Variants in CFH observed in about 807,000 individuals in gnomAD.
The protein encoded by CFH is H factor 1 (complement).
A neutral mutation model predicts 147.3 loss-of-function variants in CFH; 53 were observed. The observed-to-expected ratio is 0.36, with a 90% CI of 0.29 to 0.45. The LOEUF (loss-of-function observed/expected upper bound fraction) is 0.45, where lower values mean the gene tolerates loss of function less well. CFH is among the 20% of genes least tolerant of loss of function. CFH has a pLI of 1.00. For synonymous variants in CFH, 536 were observed against 489.4 expected (o/e 1.10, Z -1.26); for missense variants, 1,380 against 1,498.0 (o/e 0.92, Z 1.30).
intron 15 of CFH, among the ~76,000 whole-genome samples, chr1:196,736,421 A>G (rs1669402220): frequency 6.6e-6 from 1 of 152,098 alleles, no homozygotes; most frequent in African/African-American, 2.4e-5. Flanking sequence ...TTTTAATCCA[A>G]TCCTGATACA....
At chr1:196,664,003 C>T (rs960655898) in intron 1 of CFH, among the ~76,000 whole-genome samples, 5 of 152,102 alleles carry the variant, frequency 3.3e-5, no homozygotes, top group East Asian at 1.9e-4. Context: ...TTTACTGTCT[C>T]GTCAGCTTTC....
chr1:196,746,116 A>T, intron 21 of CFH, 117 bp downstream of exon 21: 1 of 1,565,902 alleles, frequency 6.4e-7, no homozygotes, highest in Non-Finnish European at 8.8e-7. Context: ...ATGCTTGCCT[A>T]CCAAATATTT....
At chr1:196,686,928 C>T (rs1426587373) in intron 7 of CFH, among the ~76,000 whole-genome samples, 2 of 152,056 alleles carry the variant, frequency 1.3e-5, no homozygotes, top group Admixed American at 1.3e-4. Flanking sequence ...CTCAGGCCTG[C>T]TTCATTACTC....
intron 15 of CFH, among the ~76,000 whole-genome samples, chr1:196,734,382 G>A (rs969036906): frequency 1.8e-4 from 28 of 152,002 alleles, no homozygotes; most frequent in African/African-American, 6.8e-4. Flanking sequence ...ATCACTCCCT[G>A]CCTAGCTCTT....
intron 20 of CFH, among the ~76,000 whole-genome samples, chr1:196,743,841 C>T (rs190911226): frequency 6.6e-6 from 1 of 151,982 alleles, no homozygotes; most frequent in African/African-American, 2.4e-5. Flanking sequence ...AGAGTTGGAA[C>T]CTGAAAAACA....
intron 1 of CFH, among the ~76,000 whole-genome samples, chr1:196,654,502 C>A (rs1027798576): frequency 2.6e-5 from 4 of 152,032 alleles, no homozygotes; most frequent in African/African-American, 9.7e-5. Flanking sequence ...ATTTACAGGA[C>A]AAAGTTTAAA....
At position 196,694,237 on chromosome 1, in the gene CFH, T is replaced by C. The variant is rs138760862; in HGVS notation, c.1336+3998T>C. ...GTTCTCATTGATCAACTCTCACTTA[T>C]GAGTGAGAATATGTGGTGTTTTGTT... is the stretch of plus-strand genomic sequence containing the variant. On this transcript the variant is annotated intron_variant, in intron 9 of 21. Coordinates refer to ENST00000367429, the MANE Select transcript of CFH (RefSeq NM_000186.4). Among the ~76,000 whole-genome samples, 999 of 152,178 alleles carry C rather than the reference T, an allele frequency of 6.6e-3. 9 individuals carry two copies. Among genetic ancestry groups the C allele is most frequent in the African/African-American group, 0.023 (936 of 41,492 alleles).
chr1:196,712,491 T>C (rs1668744839), intron 9 of CFH, among the ~76,000 whole-genome samples: 1 of 151,870 alleles, frequency 6.6e-6, no homozygotes, highest in Non-Finnish European at 1.5e-5. Context: ...TTATTATCAT[T>C]CAATTCAAAA....
At chr1:196,692,318 T>G in intron 9 of CFH, 4 of 548,760 alleles carry the variant, frequency 7.3e-6, no homozygotes, top group Non-Finnish European at 9.3e-6. Context: ...ATCAGTCTCT[T>G]TTTTGTCTCA....
intron 1 of CFH, among the ~76,000 whole-genome samples, chr1:196,657,272 A>T (rs1666735018): frequency 6.6e-6 from 1 of 152,070 alleles, no homozygotes; most frequent in South Asian, 2.1e-4. Flanking sequence ...TTCTGAAATG[A>T]TCTTTATTCT....
intron 9 of CFH, among the ~76,000 whole-genome samples, chr1:196,708,095 G>T (rs1362911291): frequency 6.6e-6 from 1 of 152,110 alleles, no homozygotes; most frequent in East Asian, 1.9e-4. Flanking sequence ...TTTAGAAATG[G>T]TCACTCTTGT....
intron 1 of CFH, among the ~76,000 whole-genome samples, chr1:196,655,224 G>C (rs1264734469): frequency 6.6e-6 from 1 of 152,136 alleles, no homozygotes; most frequent in Non-Finnish European, 1.5e-5. Flanking sequence ...ATGAGGATAA[G>C]AATAGAACAA....
intron 9 of CFH, chr1:196,700,831 T>A: frequency 1.0e-6 from 1 of 985,380 alleles, no homozygotes. Context: ...GGCAGGGCAG[T>A]GCTGACTTTC....
Position 196,713,724 on chromosome 1 carries a change from T to C in CFH, c.1337-11T>C, listed in dbSNP as rs1463001909. ...ATATGCTTGTCTTTTTCTTATTCTCTTCCCTTTTAGAAACATGTTCCAAAT... is the reference window on the plus strand; with the variant it reads ...ATATGCTTGTCTTTTTCTTATTCTCCTCCCTTTTAGAAACATGTTCCAAAT... On this transcript the variant is annotated splice_polypyrimidine_tract_variant and intron_variant, in intron 9 of 21. Coordinates refer to ENST00000367429, the MANE Select transcript of CFH (RefSeq NM_000186.4). The C allele has an allele frequency of 3.3e-6, 5 of 1,530,662 alleles. No homozygotes were observed. The highest frequency in any genetic ancestry group is 4.5e-6 in the Non-Finnish European group (5 of 1,107,592). 94.8% of individuals were successfully genotyped at this position (1,530,662 alleles called of 1,614,324 possible).
At chr1:196,709,758 C>T (rs2149100191) in intron 9 of CFH, among the ~76,000 whole-genome samples, 1 of 152,144 alleles carries the variant, frequency 6.6e-6, no homozygotes, top group East Asian at 1.9e-4. Flanking sequence ...AGATGATAAT[C>T]TTTCTGCATG....
chr1:196,742,548 T>C (rs897094307), intron 19 of CFH, among the ~76,000 whole-genome samples: 1 of 152,174 alleles, frequency 6.6e-6, no homozygotes, highest in Non-Finnish European at 1.5e-5. Flanking sequence ...TGGAACTGAG[T>C]ATTTGATGAT....
intron 9 of CFH, among the ~76,000 whole-genome samples, chr1:196,695,684 A>G (rs1402771293): frequency 1.3e-5 from 2 of 151,992 alleles, no homozygotes; most frequent in African/African-American, 4.8e-5. Context: ...TATTTCCCTG[A>G]GCAGTGGTTT....
intron 6 of CFH, among the ~76,000 whole-genome samples, chr1:196,680,564 T>C (rs1260267833): frequency 6.6e-6 from 1 of 151,926 alleles, no homozygotes; most frequent in Admixed American, 6.6e-5. Context: ...AGTGTGGTGA[T>C]AACAGTTTTG....
At position 196,652,089 on chromosome 1, in the gene CFH, G is replaced by T; in HGVS notation, c.-29G>T. On this transcript the variant is annotated 5_prime_UTR_variant, in exon 1 of 22. Coordinates refer to ENST00000367429, the MANE Select transcript of CFH (RefSeq NM_000186.4). ...CTGGACGTTGTGAACAGAGTTAGCTGGTAAATGTCCTCTTAAAAGATCCAA... is the reference window on the plus strand; with the variant it reads ...CTGGACGTTGTGAACAGAGTTAGCTTGTAAATGTCCTCTTAAAAGATCCAA... 1 of 1,513,136 alleles carries T rather than the reference G, an allele frequency of 6.6e-7. No homozygotes were observed. 93.7% of individuals were successfully genotyped at this position (1,513,136 alleles called of 1,614,324 possible).
Sources: gnomAD v4.1 joint callset for allele counts (sites outside exome capture counted in the v4.1 genomes callset) on GRCh38, gnomAD v4.1.1 for gene constraint, MANE v1.5 for transcripts, NCBI Gene and HGNC (gene_info 2026-07-23, HGNC 2026-07-21) for gene names.